The following COX6A2 variants were observed in gnomAD, a reference collection of about 807,000 sequenced individuals.
The protein encoded by COX6A2 is cytochrome c oxidase subunit 6A2, mitochondrial.
COX6A2 carries 5 observed loss-of-function variants against 7.2 expected under a neutral mutation model. That is an observed-to-expected ratio of 0.69 (90% CI 0.36 to 1.45). The LOEUF (loss-of-function observed/expected upper bound fraction) is 1.45. COX6A2 is among the 40% of genes most tolerant of loss of function. The pLI is 0.03. For missense variants in COX6A2, 174 were observed against 137.7 expected, an observed-to-expected ratio of 1.26 and a Z score of -1.32; for synonymous variants, 63 against 55.9, an observed-to-expected ratio of 1.13 and a Z score of -0.56.
In COX6A2 at chr16:31,427,957, AGCACCCCCC is replaced by A. The variant is rs1219255060; in HGVS notation, c.210+49_210+57del. 7.2e-5 allele frequency: 6 copies of A among 83,566 alleles called. No individual in the cohort carries two copies. In the African/African-American group the frequency reaches 1.2e-3, roughly 16 times the overall value. 5.2% of individuals were successfully genotyped at this position (83,566 alleles called of 1,614,324 possible). On this transcript the variant is annotated intron_variant, in intron 2 of 2. Transcript: ENST00000287490. ...CCGCAGCACCCCCCCCCGCCCCCGC[AGCACCCCCC>A]CCCGCCCCCGCAGCACCCCCGTGCC...
chr16:31,427,819 G>A lies in COX6A2; in HGVS notation c.249C>T (p.His83=). ...TGGGCAGAGGGTTCACGTGGCTATTGTGGAACAGAGTGTGGTTGCCGTCCC... is the reference window on the plus strand; with the variant it reads ...TGGGCAGAGGGTTCACGTGGCTATTATGGAACAGAGTGTGGTTGCCGTCCC... ...PWGDGNHTLF[H]NSHVNPLPTG... is the part of the protein sequence containing the mutation. The change falls in exon 3 of 3, where the codon CAC becomes CAT. Residue 83 remains histidine (H), a synonymous_variant. Coordinates refer to ENST00000287490, the MANE Select transcript of COX6A2 (RefSeq NM_005205.4). 7.1e-7 allele frequency: 1 copy of A among 1,412,344 alleles called. No homozygotes were observed. Among genetic ancestry groups the A allele is most frequent in the Non-Finnish European group, 9.3e-7 (1 of 1,080,062 alleles). The allele number at this position is 1,412,344 out of a possible 1,614,324, so 87.5% of individuals were successfully genotyped here.
At position 31,427,785 on chromosome 16, in the gene COX6A2, C is replaced by A; in HGVS notation, c.283G>T (p.Glu95Ter). 7.1e-7 allele frequency: 1 copy of A among 1,413,060 alleles called. No individual in the cohort carries two copies. Among genetic ancestry groups the A allele is most frequent in the Non-Finnish European group, 9.3e-7 (1 of 1,080,342 alleles). The allele number at this position is 1,413,060 out of a possible 1,614,324, so 87.5% of individuals were successfully genotyped here. The change falls in exon 3 of 3, where the codon GAA (glutamate) becomes TAA (stop). Residue 95 changes from glutamate (E) to a stop codon, truncating the protein, a stop_gained. Coordinates refer to ENST00000287490, the MANE Select transcript of COX6A2 (RefSeq NM_005205.4). LOFTEE classifies it high-confidence loss of function. Reference sequence around the variant, plus strand: ...GGGCGTCCGGGGCCTCAGGGGTGTTCGTAGCCCGTGGGCAGAGGGTTCACG... The same window carrying A: ...GGGCGTCCGGGGCCTCAGGGGTGTTAGTAGCCCGTGGGCAGAGGGTTCACG... Reference protein sequence around the residue: ...SHVNPLPTGYEHP With the variant: ...SHVNPLPTGY
In COX6A2 at chr16:31,427,744, C is replaced by G. The variant is rs753318259; in HGVS notation, c.*30G>C. The G allele has an allele frequency of 2.2e-6, 3 of 1,370,892 alleles. No individual in the cohort carries two copies. Among genetic ancestry groups the G allele is most frequent in the Non-Finnish European group, 2.8e-6 (3 of 1,054,846 alleles). The allele number at this position is 1,370,892 out of a possible 1,614,324, so 84.9% of individuals were successfully genotyped here. ...AGAGCCGCAGACTCGAAGCTTCACACCTTTATTGTGTCCGGGGGCGTCCGG... is the reference window on the plus strand; with the variant it reads ...AGAGCCGCAGACTCGAAGCTTCACAGCTTTATTGTGTCCGGGGGCGTCCGG... On this transcript the variant is annotated 3_prime_UTR_variant, in exon 3 of 3. Coordinates refer to ENST00000287490, the MANE Select transcript of COX6A2 (RefSeq NM_005205.4).
Position 31,428,350 on chromosome 16 carries a change from G to T in COX6A2, c.-25C>A, listed in dbSNP as rs367655225. 33 of 1,576,210 alleles carry T rather than the reference G, an allele frequency of 2.1e-5. No individual in the cohort carries two copies. The highest frequency in any genetic ancestry group is 2.8e-5 in the Non-Finnish European group (32 of 1,161,086). On this transcript the variant is annotated 5_prime_UTR_variant, in exon 1 of 3. The change creates a new upstream start codon in the 5' untranslated region. Transcript: ENST00000287490. ...TGATGGTGCGGGGAGCCGGGAACCAGCGCTGTCCTCGCTCCCTTTCCTGGG... is the reference window on the plus strand; with the variant it reads ...TGATGGTGCGGGGAGCCGGGAACCATCGCTGTCCTCGCTCCCTTTCCTGGG...
At position 31,427,743 on chromosome 16, in the gene COX6A2, A is replaced by G. The variant is rs1597176184; in HGVS notation, c.*31T>C. 2.2e-6 allele frequency: 3 copies of G among 1,350,964 alleles called. No individual in the cohort carries two copies. Among genetic ancestry groups the G allele is most frequent in the Admixed American group, 3.4e-5 (1 of 29,160 alleles). 83.7% of individuals were successfully genotyped at this position (1,350,964 alleles called of 1,614,324 possible). On this transcript the variant is annotated 3_prime_UTR_variant, in exon 3 of 3. Transcript: ENST00000287490. The stretch of plus-strand genomic sequence containing the variant: ...CAGAGCCGCAGACTCGAAGCTTCAC[A>G]CCTTTATTGTGTCCGGGGGCGTCCG...
chr16:31,427,845 C>G lies in COX6A2; in HGVS notation c.223G>C (p.Gly75Arg). 1 of 1,401,780 alleles carries G rather than the reference C, an allele frequency of 7.1e-7. No individual in the cohort carries two copies. Among genetic ancestry groups the G allele is most frequent in the Middle Eastern group, 2.0e-4 (1 of 5,042 alleles). The allele number at this position is 1,401,780 out of a possible 1,614,324, so 86.8% of individuals were successfully genotyped here. The stretch of plus-strand genomic sequence containing the variant: ...TGGAACAGAGTGTGGTTGCCGTCCC[C>G]CCAGGGGTAGGGCTGTGGAGAGAGC... ...LRIRTKPYPW[G>R]DGNHTLFHNS... Residue 75 changes from glycine (G) to arginine (R), a missense_variant, in exon 3 of 3, where the codon GGG becomes CGG. Physicochemically the swap from Gly to Arg is moderately radical, Grantham distance 125 (BLOSUM62 -2). Transcript: ENST00000287490.
rs540842412 is a variant in COX6A2 at position 31,428,122 on chromosome 16, G to C, written c.103C>G (p.Leu35Val). The change falls in exon 2 of 3, where the codon CTG (leucine) becomes GTG (valine). Residue 35 changes from leucine (L) to valine (V), a missense_variant. By Grantham distance (32) the Leu-to-Val change is conservative. Coordinates refer to ENST00000287490, the MANE Select transcript of COX6A2 (RefSeq NM_005205.4). ...ARTWRLLTFV[L>V]ALPSVALCTF... Reference sequence around the variant, plus strand: ...CAGAGGGCCACGCTGGGCAGCGCCAGCACGAAGGTCAGCAGACGCCAGGTA... The same window carrying C: ...CAGAGGGCCACGCTGGGCAGCGCCACCACGAAGGTCAGCAGACGCCAGGTA... 1.3e-6 allele frequency: 2 copies of C among 1,572,720 alleles called. No homozygotes were observed. Among genetic ancestry groups the C allele is most frequent in the Non-Finnish European group, 1.7e-6 (2 of 1,160,088 alleles).
chr16:31,428,008 C>T lies in COX6A2; in HGVS notation c.210+7G>A. On this transcript the variant is annotated splice_region_variant and intron_variant, in intron 2 of 2. Coordinates refer to ENST00000287490, the MANE Select transcript of COX6A2 (RefSeq NM_005205.4). ...CCCCGTGCCGCCCGCGCGCCCGTCC[C>T]GCGTACCTTGGTGCGGATGCGGAGG... The T allele has an allele frequency of 6.9e-7, 1 of 1,449,332 alleles. No individual in the cohort carries two copies. The highest frequency in any genetic ancestry group is 2.4e-5 in the Admixed American group (1 of 42,056). 89.8% of individuals were successfully genotyped at this position (1,449,332 alleles called of 1,614,324 possible).
chr16:31,427,911 G>GCGGCC, intron 2 of COX6A2, 54 bp from the exon 3 acceptor site: 2 of 364,806 alleles, frequency 5.5e-6, no homozygotes, highest in Non-Finnish European at 6.8e-6. Context: ...TCCGGAGTCC[G>GCGGCC]CGCCCCGCGC....
Position 31,427,790 on chromosome 16 carries a change from C to T in COX6A2, c.278G>A (p.Gly93Asp). The T allele has an allele frequency of 7.1e-7, 1 of 1,413,298 alleles. No individual in the cohort carries two copies. Among genetic ancestry groups the T allele is most frequent in the African/African-American group, 1.5e-5 (1 of 67,342 alleles). The allele number at this position is 1,413,298 out of a possible 1,614,324, so 87.5% of individuals were successfully genotyped here. The change falls in exon 3 of 3, where the codon GGC becomes GAC. Residue 93 changes from glycine (G) to aspartate (D), a missense_variant. Gly to Asp is a moderately conservative substitution (Grantham distance 94). Transcript: ENST00000287490. ...HNSHVNPLPT[G>D]YEHP is the part of the protein sequence containing the mutation. ...TCCGGGGCCTCAGGGGTGTTCGTAG[C>T]CCGTGGGCAGAGGGTTCACGTGGCT... is the stretch of plus-strand genomic sequence containing the variant.
chr16:31,427,985 C>G, intron 2 of COX6A2, 30 bp downstream of exon 2: 1 of 1,298,014 alleles, frequency 7.7e-7, no homozygotes, highest in South Asian at 1.9e-5. Context: ...CGCAGCACCC[C>G]CGTGCCGCCC....
At position 31,428,300 on chromosome 16, in the gene COX6A2, G is replaced by A. The variant is rs753811433; in HGVS notation, c.26C>T (p.Thr9Ile). 1.2e-6 allele frequency: 2 copies of A among 1,607,138 alleles called. No homozygotes were observed. Among genetic ancestry groups the A allele is most frequent in the Non-Finnish European group, 1.7e-6 (2 of 1,177,252 alleles). Residue 9 changes from threonine to isoleucine, a missense_variant, in exon 1 of 3, where the codon ACC becomes ATC. Transcript: ENST00000287490. MALPLRPL[T>I]RGLASAAKGG... ...TTTGGCAGCGCTGGCCAAGCCCCGG[G>A]TCAGGGGCCTCAGAGGCAAAGCCAT...
chr16:31,427,927 C>CG (rs1309500893), intron 2 of COX6A2, 70 bp from the exon 3 acceptor site: 3 of 62,856 alleles, frequency 4.8e-5, no homozygotes, highest in East Asian at 4.3e-4. Flanking sequence ...CGCGCGACCC[C>CG]CCCCCCGCAG....
rs2082152735 is a variant in COX6A2, at chr16:31,428,119, C to T, written c.106G>A (p.Ala36Thr). 2 of 1,571,874 alleles carry T rather than the reference C, an allele frequency of 1.3e-6. No homozygotes were observed. The highest frequency in any genetic ancestry group is 1.7e-6 in the Non-Finnish European group (2 of 1,159,680). ...RTWRLLTFVL[A>T]LPSVALCTFN... is the part of the protein sequence containing the mutation. ...GTGCAGAGGGCCACGCTGGGCAGCG[C>T]CAGCACGAAGGTCAGCAGACGCCAG... The change falls in exon 2 of 3, where the codon GCG (alanine) becomes ACG (threonine). Residue 36 changes from alanine (A) to threonine (T), a missense_variant. By Grantham distance (58) the Ala-to-Thr change is moderately conservative. Transcript: ENST00000287490.
chr16:31,427,828 A>T lies in COX6A2; in HGVS notation c.240T>A (p.Thr80=). 1 of 1,395,310 alleles carries T rather than the reference A, an allele frequency of 7.2e-7. No individual in the cohort carries two copies. Among genetic ancestry groups the T allele is most frequent in the Non-Finnish European group, 9.3e-7 (1 of 1,069,916 alleles). The allele number at this position is 1,395,310 out of a possible 1,614,324, so 86.4% of individuals were successfully genotyped here. ...GGTTCACGTGGCTATTGTGGAACAG[A>T]GTGTGGTTGCCGTCCCCCCAGGGGT... is the stretch of plus-strand genomic sequence containing the variant. ...KPYPWGDGNH[T]LFHNSHVNPL... The change falls in exon 3 of 3, where the codon ACT becomes ACA. Residue 80 remains threonine (T), a synonymous_variant. Transcript: ENST00000287490.
At position 31,428,063 on chromosome 16, in the gene COX6A2, G is replaced by A; in HGVS notation, c.162C>T (p.Arg54=). The A allele has an allele frequency of 6.5e-7, 1 of 1,547,608 alleles. No homozygotes were observed. The highest frequency in any genetic ancestry group is 8.7e-7 in the Non-Finnish European group (1 of 1,147,476). Residue 54 remains arginine, a synonymous_variant, in exon 2 of 3, where the codon CGC becomes CGT. Coordinates refer to ENST00000287490, the MANE Select transcript of COX6A2 (RefSeq NM_005205.4). ...GGTAGGGACGGAACTCGGGGCGCGG[G>A]CGGTGGCCCGAGTGGAGATAGGAGT... ...TFNSYLHSGH[R]PRPEFRPYQH... is the part of the protein sequence containing the mutation.
rs781170355 is a variant in COX6A2 at position 31,428,106 on chromosome 16, A to T, written c.119T>A (p.Val40Glu). Residue 40 changes from valine (V) to glutamate (E), a missense_variant, in exon 2 of 3, where the codon GTG becomes GAG. Val to Glu is a moderately radical substitution (Grantham distance 121). Coordinates refer to ENST00000287490, the MANE Select transcript of COX6A2 (RefSeq NM_005205.4). Reference sequence around the variant, plus strand: ...ATAGGAGTTGAAGGTGCAGAGGGCCACGCTGGGCAGCGCCAGCACGAAGGT... The same window carrying T: ...ATAGGAGTTGAAGGTGCAGAGGGCCTCGCTGGGCAGCGCCAGCACGAAGGT... ...LLTFVLALPS[V>E]ALCTFNSYLH... 5 of 1,566,346 alleles carry T rather than the reference A, an allele frequency of 3.2e-6. No individual in the cohort carries two copies. In the African/African-American group the frequency reaches 5.4e-5, roughly 17 times the overall value.
At position 31,427,918 on chromosome 16, in the gene COX6A2, GCGCGA is replaced by G. The variant is rs1567362175; in HGVS notation, c.211-66_211-62del. The G allele has an allele frequency of 8.1e-5, 25 of 309,376 alleles. 5 individuals are homozygous for G. In the South Asian group the frequency reaches 8.5e-4, roughly 10 times the overall value. 19.2% of individuals were successfully genotyped at this position (309,376 alleles called of 1,614,324 possible). A position where few individuals can be genotyped will look rare whatever the true frequency, so the allele number is the denominator to read the frequency against. On this transcript the variant is annotated intron_variant, in intron 2 of 2. Coordinates refer to ENST00000287490, the MANE Select transcript of COX6A2 (RefSeq NM_005205.4). ...GCCGTGAGTCCGGAGTCCGCGCCCC[GCGCGA>G]CCCCCCCCCCGCAGCACCCCCCCCC...
Position 31,428,078 on chromosome 16 carries a change from G to A in COX6A2, c.147C>T (p.Leu49=). 6.4e-7 allele frequency: 1 copy of A among 1,554,580 alleles called. No individual in the cohort carries two copies. Among genetic ancestry groups the A allele is most frequent in the Non-Finnish European group, 8.7e-7 (1 of 1,150,728 alleles). ...SVALCTFNSY[L]HSGHRPRPEF... ...CGGGGCGCGGGCGGTGGCCCGAGTG[G>A]AGATAGGAGTTGAAGGTGCAGAGGG... Residue 49 remains leucine, a synonymous_variant, in exon 2 of 3, where the codon CTC becomes CTT. Transcript: ENST00000287490.
Sources: allele counts gnomAD v4.1 joint callset, GRCh38; gene constraint gnomAD v4.1.1; transcripts MANE v1.5; gene names NCBI Gene and HGNC (gene_info 2026-07-23, HGNC 2026-07-21).